TRIM28: variants seen among roughly 807,000 people sequenced by gnomAD.
TRIM28 encodes transcription intermediary factor 1-beta.
TRIM28 carries 8 observed loss-of-function variants against 87.4 expected under a neutral mutation model. The ratio of observed to expected loss-of-function variants is 0.09; its 90% confidence interval spans 0.05 to 0.17. TRIM28 has a LOEUF of 0.17. Ranked by LOEUF, TRIM28 falls within the 10% of genes least tolerant of loss-of-function variation. The pLI is 1.00. For missense variants in TRIM28, 968 were observed against 1,131.8 expected, an observed-to-expected ratio of 0.86 and a Z score of 2.08; for synonymous variants, 601 against 454.3, an observed-to-expected ratio of 1.32 and a Z score of -4.11.
rs760344558 is a variant in TRIM28 at position 58,548,487 on chromosome 19, C to G, written c.1218C>G (p.Gly406=). Residue 406 remains glycine, a splice_region_variant and synonymous_variant, in exon 9 of 17, where the codon GGC becomes GGG. Transcript: ENST00000253024. The part of the protein sequence containing the change: ...NAWTKSAEAF[G]KIVAERPGTN... ...TACGTTTCTCTCTTCTTTTTGCAGG[C>G]AAGATTGTGGCAGAGCGTCCTGGCA... 2.5e-6 allele frequency: 4 copies of G among 1,613,932 alleles called. No individual in the cohort carries two copies. The highest frequency in any genetic ancestry group is 2.2e-5 in the East Asian group (1 of 44,888).
intron 2 of TRIM28, 52 bp downstream of exon 2, chr19:58,545,589 C>T: frequency 1.3e-6 from 2 of 1,517,648 alleles, no homozygotes; most frequent in Non-Finnish European, 9.1e-7. Flanking sequence ...GGGGCATCTG[C>T]GCAGGAGGAG....
Position 58,545,814 on chromosome 19 carries a change from G to T in TRIM28, c.504G>T (p.Glu168Asp), listed in dbSNP as rs1310357508. The T allele has an allele frequency of 6.2e-7, 1 of 1,612,250 alleles. No homozygotes were observed. Residue 168 changes from glutamate to aspartate, a missense_variant, in exon 3 of 17, where the codon GAG becomes GAT. Glu to Asp is a conservative substitution (Grantham distance 45). Coordinates refer to ENST00000253024, the MANE Select transcript of TRIM28 (RefSeq NM_005762.3). ...CCCCAGCCACCAGCTACTGTGTGGA[G>T]TGCTCGGAGCCTCTGTGTGAGACCT... The part of the protein sequence containing the change: ...DNAPATSYCV[E>D]CSEPLCETCV...
rs1280633548 is a variant in TRIM28 at position 58,545,037 on chromosome 19, C to T, written c.280C>T (p.Pro94Ser). 4 of 1,465,896 alleles carry T rather than the reference C, an allele frequency of 2.7e-6. No individual in the cohort carries two copies. Among genetic ancestry groups the T allele is most frequent in the Middle Eastern group, 2.1e-4 (1 of 4,726 alleles). 90.8% of individuals were successfully genotyped at this position (1,465,896 alleles called of 1,614,324 possible). Residue 94 changes from proline to serine, a missense_variant, in exon 1 of 17, where the codon CCC (proline) becomes TCC (serine). Coordinates refer to ENST00000253024, the MANE Select transcript of TRIM28 (RefSeq NM_005762.3). ...CTCGGCCTGTAGTGCCTGCTTAGGGCCCGCGGCCCCCGCCGCCGCCAACAG... is the reference window on the plus strand; with the variant it reads ...CTCGGCCTGTAGTGCCTGCTTAGGGTCCGCGGCCCCCGCCGCCGCCAACAG... The part of the protein sequence containing the change: ...LHSACSACLG[P>S]AAPAAANSSG...
intron 16 of TRIM28, 40 bp downstream of exon 16, chr19:58,550,324 T>C (rs943063582): frequency 6.8e-6 from 11 of 1,613,240 alleles, no homozygotes; most frequent in African/African-American, 4.0e-5. Context: ...CAGGGGGAGA[T>C]GTGAAGGAAA....
chr19:58,547,318 C>A, intron 3 of TRIM28, 58 bp from the exon 4 acceptor site: 2 of 1,594,784 alleles, frequency 1.3e-6, no homozygotes, highest in South Asian at 1.1e-5. Flanking sequence ...ACTCATTCTG[C>A]TTCCTGAGTT....
rs999564759 is a variant in TRIM28 at position 58,544,221 on chromosome 19, C to T, written c.-537C>T. ...ATCACACTCTATAAAGGTTCGCATACCCCACTGGCGGATTCAATTGCGGCA... is the reference window on the plus strand; with the variant it reads ...ATCACACTCTATAAAGGTTCGCATATCCCACTGGCGGATTCAATTGCGGCA... On this transcript the variant is annotated 5_prime_UTR_variant, in exon 1 of 17. Coordinates refer to ENST00000253024, the MANE Select transcript of TRIM28 (RefSeq NM_005762.3). 1 of 152,334 alleles carries T rather than the reference C, an allele frequency of 6.6e-6. No homozygotes were observed. The highest frequency in any genetic ancestry group is 1.5e-5 in the Non-Finnish European group (1 of 68,082). The allele number at this position is 152,334 out of a possible 1,614,324, so 9.4% of individuals were successfully genotyped here. A position where few individuals can be genotyped will look rare whatever the true frequency, so the allele number is the denominator to read the frequency against.
Position 58,544,247 on chromosome 19 carries a change from G to T in TRIM28, c.-511G>T, listed in dbSNP as rs1220374658. 6.6e-6 allele frequency: 1 copy of T among 152,366 alleles called. No individual in the cohort carries two copies. Among genetic ancestry groups the T allele is most frequent in the Non-Finnish European group, 1.5e-5 (1 of 68,160 alleles). The allele number at this position is 152,366 out of a possible 1,614,324, so 9.4% of individuals were successfully genotyped here. On this transcript the variant is annotated 5_prime_UTR_variant, in exon 1 of 17. Transcript: ENST00000253024. Reference sequence around the variant, plus strand: ...CCCACTGGCGGATTCAATTGCGGCAGTGACGTCACAGAGGCCCCGCCCCGC... The same window carrying T: ...CCCACTGGCGGATTCAATTGCGGCATTGACGTCACAGAGGCCCCGCCCCGC...
chr19:58,548,454 C>T, intron 8 of TRIM28, 32 bp from the exon 9 acceptor site: 2 of 1,613,968 alleles, frequency 1.2e-6, no homozygotes, highest in East Asian at 2.2e-5. Context: ...CCACGTGCTG[C>T]ACCTACTTAC....
At position 58,549,776 on chromosome 19, in the gene TRIM28, C is replaced by T. The variant is rs778735712; in HGVS notation, c.2022C>T (p.Asp674=). The change falls in exon 14 of 17, where the codon GAC becomes GAT. Residue 674 remains aspartate, a synonymous_variant. Coordinates refer to ENST00000253024, the MANE Select transcript of TRIM28 (RefSeq NM_005762.3). The surrounding 1 kb of genome is among the most constrained non-coding windows in gnomAD (Gnocchi z 4.4). ...WSCSLCHVLP[D]LKEEDGSLSL... is the part of the protein sequence containing the mutation. ...GCTCACTCTGCCATGTGCTCCCTGA[C>T]CTGAAGGAGGAGGATGGCAGCCTCA... The T allele has an allele frequency of 5.6e-6, 9 of 1,612,148 alleles. No homozygotes were observed. Among genetic ancestry groups the T allele is most frequent in the African/African-American group, 4.0e-5 (3 of 74,812 alleles).
chr19:58,550,485 C>T lies in TRIM28; in HGVS notation c.2440C>T (p.Pro814Ser), dbSNP rs760798367. The stretch of plus-strand genomic sequence containing the variant: ...CTCTGCTGTGCTGGTGGAGCCCCCG[C>T]CGATGAGCCTGCCTGGTGCTGGCCT... ...KFSAVLVEPP[P>S]MSLPGAGLSS... is the part of the protein sequence containing the mutation. The change falls in exon 17 of 17, where the codon CCG becomes TCG. Residue 814 changes from proline (P) to serine (S), a missense_variant. Pro to Ser is a moderately conservative substitution (Grantham distance 74). Transcript: ENST00000253024. 6.2e-7 allele frequency: 1 copy of T among 1,613,062 alleles called. No homozygotes were observed. The highest frequency in any genetic ancestry group is 1.7e-5 in the Admixed American group (1 of 60,014).
rs750940640 is a variant in TRIM28 at position 58,547,788 on chromosome 19, C to G, written c.840-4C>G. Reference sequence around the variant, plus strand: ...TACCTAGCCTGACCTGCTGTGTCCCCTAGAATCCGCCAGGTGTCTGACGTA... The same window carrying G: ...TACCTAGCCTGACCTGCTGTGTCCCGTAGAATCCGCCAGGTGTCTGACGTA... On this transcript the variant is annotated splice_region_variant and splice_polypyrimidine_tract_variant and intron_variant, in intron 5 of 16. Transcript: ENST00000253024. The G allele has an allele frequency of 6.2e-7, 1 of 1,614,082 alleles. No homozygotes were observed. The highest frequency in any genetic ancestry group is 8.5e-7 in the Non-Finnish European group (1 of 1,180,008).
Position 58,544,815 on chromosome 19 carries a change from C to G in TRIM28, c.58C>G (p.Pro20Ala). The change falls in exon 1 of 17, where the codon CCG becomes GCG. Residue 20 changes from proline to alanine, a missense_variant. By Grantham distance (27) the Pro-to-Ala change is conservative (BLOSUM62 -1). Around this residue, in one of 11 missense-constraint regions of TRIM28, gnomAD observed 208 missense variants for 170.9 expected, o/e 1.22. Transcript: ENST00000253024. ...AAAASAASGS[P>A]GPGEGSAGGE... ...AGCGGCCTCGGCCGCCTCTGGCAGC[C>G]CGGGCCCGGGCGAGGGCTCCGCTGG... 1 of 1,247,148 alleles carries G rather than the reference C, an allele frequency of 8.0e-7. No individual in the cohort carries two copies. Among genetic ancestry groups the G allele is most frequent in the Non-Finnish European group, 1.0e-6 (1 of 995,056 alleles). 77.3% of individuals were successfully genotyped at this position (1,247,148 alleles called of 1,614,324 possible). A position where few individuals can be genotyped will look rare whatever the true frequency, so the allele number is the denominator to read the frequency against.
Position 58,549,716 on chromosome 19 carries a change from C to G in TRIM28, c.1983-21C>G. 6.3e-7 allele frequency: 1 copy of G among 1,599,304 alleles called. No homozygotes were observed. The highest frequency in any genetic ancestry group is 8.5e-7 in the Non-Finnish European group (1 of 1,169,996). On this transcript the variant is annotated intron_variant, in intron 13 of 16. Transcript: ENST00000253024. This position sits in a 1 kb window ranked among gnomAD's most constrained non-coding sequence, Gnocchi z 4.4. ...CTGTCTGGACAGGATCATGTGCAGA[C>G]CCTTATTTTCTTCACCCTAGGGAGG...
In TRIM28 at chr19:58,550,270, A is replaced by G; in HGVS notation, c.2317A>G (p.Asn773Asp). The change falls in exon 16 of 17, where the codon AAC becomes GAC. Residue 773 changes from asparagine (N) to aspartate (D), a missense_variant. Physicochemically the swap from Asn to Asp is conservative, Grantham distance 23. Transcript: ENST00000253024. ...TGTGGGCCGCATGTTCAAGCAATTC[A>G]ACAAGTTAACTGAGGTGAGCCAGTG... ...QDVGRMFKQF[N>D]KLTEDKADVQ... The G allele has an allele frequency of 6.2e-7, 1 of 1,614,082 alleles. No individual in the cohort carries two copies. Among genetic ancestry groups the G allele is most frequent in the Non-Finnish European group, 8.5e-7 (1 of 1,179,992 alleles).
rs1279463488 is a variant in TRIM28 at position 58,547,385 on chromosome 19, A to G, written c.596A>G (p.Lys199Arg). 3 of 1,613,652 alleles carry G rather than the reference A, an allele frequency of 1.9e-6. No homozygotes were observed. Among genetic ancestry groups the G allele is most frequent in the Middle Eastern group, 1.7e-4 (1 of 6,060 alleles). The change falls in exon 4 of 17, where the codon AAG becomes AGG. Residue 199 changes from lysine to arginine, a missense_variant. By Grantham distance (26) the Lys-to-Arg change is conservative. Around this residue, in one of 11 missense-constraint regions of TRIM28, gnomAD observed 103 missense variants for 139.0 expected, o/e 0.74. Transcript: ENST00000253024. Reference sequence around the variant, plus strand: ...GATTCCCACTCCCCAGGGCCAGCCAAGTCTCGGGATGGTGAACGTACTGTC... The same window carrying G: ...GATTCCCACTCCCCAGGGCCAGCCAGGTCTCGGGATGGTGAACGTACTGTC... ...DHTVRSTGPAKSRDGERTVYC... is the reference protein window; with the variant it reads ...DHTVRSTGPARSRDGERTVYC...
rs759703884 is a variant in TRIM28 at position 58,548,356 on chromosome 19, G to T, written c.1164G>T (p.Glu388Asp). The T allele has an allele frequency of 3.1e-6, 5 of 1,614,192 alleles. No homozygotes were observed. The East Asian group carries it at 8.9e-5, about 29-fold the overall frequency. ...TGGATCCCGTGGAGCCACATGGCGAGATGAAGTTTCAGTGGGACCTCAATG... is the reference window on the plus strand; with the variant it reads ...TGGATCCCGTGGAGCCACATGGCGATATGAAGTTTCAGTGGGACCTCAATG... ...MIVDPVEPHG[E>D]MKFQWDLNAW... The change falls in exon 8 of 17, where the codon GAG becomes GAT. Residue 388 changes from glutamate to aspartate, a missense_variant. Physicochemically the swap from Glu to Asp is conservative, Grantham distance 45. Around this residue, in one of 11 missense-constraint regions of TRIM28, gnomAD observed 84 missense variants for 139.9 expected, o/e 0.60. Transcript: ENST00000253024.
In TRIM28 at chr19:58,548,464, C is replaced by T. The variant is rs192875942; in HGVS notation, c.1217-22C>T. 4.0e-4 allele frequency: 648 copies of T among 1,614,034 alleles called. 3 individuals carry two copies. The African/African-American group carries it at 5.9e-3, about 15-fold the overall frequency. On this transcript the variant is annotated intron_variant, in intron 8 of 16. Coordinates refer to ENST00000253024, the MANE Select transcript of TRIM28 (RefSeq NM_005762.3). ...TTACCCCACGTGCTGCACCTACTTA[C>T]GTTTCTCTCTTCTTTTTGCAGGCAA...
In TRIM28 at chr19:58,549,136, A is replaced by G. The variant is rs1198918442; in HGVS notation, c.1558A>G (p.Ile520Val). Residue 520 changes from isoleucine to valine, a missense_variant, in exon 12 of 17, where the codon ATT becomes GTT. By Grantham distance (29) the Ile-to-Val change is conservative. Transcript: ENST00000253024. This position sits in a 1 kb window ranked among gnomAD's most constrained non-coding sequence, Gnocchi z 4.4. The stretch of plus-strand genomic sequence containing the variant: ...CAGTACCACTGAGGACTACAACCTT[A>G]TTGTTATTGAACGTGGCGCTGCCGC... Reference protein sequence around the residue: ...PGSTTEDYNLIVIERGAAAAA... With the variant: ...PGSTTEDYNLVVIERGAAAAA... 1 of 1,614,004 alleles carries G rather than the reference A, an allele frequency of 6.2e-7. No individual in the cohort carries two copies. Among genetic ancestry groups the G allele is most frequent in the Non-Finnish European group, 8.5e-7 (1 of 1,180,026 alleles).
chr19:58,548,459 A>C (rs753189503), intron 8 of TRIM28, 27 bp from the exon 9 acceptor site: 1 of 1,613,802 alleles, frequency 6.2e-7, no homozygotes, highest in African/African-American at 1.3e-5. Context: ...TGCTGCACCT[A>C]CTTACGTTTC....
Sources: gnomAD v4.1 joint callset for allele counts on GRCh38, gnomAD v4.1.1 for gene constraint, gnomAD v4.1.1 regional missense constraint, Gnocchi (gnomAD v3.1) non-coding constraint, MANE v1.5 for transcripts, NCBI Gene and HGNC (gene_info 2026-07-23, HGNC 2026-07-21) for gene names.